RORB: variants seen among roughly 807,000 people sequenced by gnomAD.
RORB encodes the protein nuclear receptor ROR-beta.
In RORB, 6 loss-of-function variants were observed where a neutral mutation model predicts 59.1. The observed-to-expected ratio is 0.10, with a 90% CI of 0.06 to 0.20. The LOEUF (loss-of-function observed/expected upper bound fraction) is 0.20, where lower values mean the gene tolerates loss of function less well. Among genes scored for constraint, RORB ranks in the 10% least tolerant of loss-of-function variants. The pLI is 1.00. For missense variants in RORB, 320 were observed against 560.5 expected (o/e 0.57, Z 4.33); for synonymous variants, 215 against 204.5 (o/e 1.05, Z -0.44).
rs1482159977 is a variant in RORB, at chr9:74,687,533, G to A, written c.*1915G>A. 1.3e-5 allele frequency: 2 copies of A among 151,848 alleles called. No individual in the cohort carries two copies. Among genetic ancestry groups the A allele is most frequent in the Non-Finnish European group, 2.9e-5 (2 of 67,932 alleles). 9.4% of individuals were successfully genotyped at this position (151,848 alleles called of 1,614,324 possible). A position where few individuals can be genotyped will look rare whatever the true frequency, so the allele number is the denominator to read the frequency against. The stretch of plus-strand genomic sequence containing the variant: ...GATTGATGAATTCTAAACCAATGGG[G>A]AAAAACAAAAAGGCTTTAAAATAAT... On this transcript the variant is annotated 3_prime_UTR_variant, in exon 10 of 10. Transcript: ENST00000376896.
chr9:74,684,699 T>C lies in RORB; in HGVS notation c.1225-764T>C, dbSNP rs150028459. On this transcript the variant is annotated intron_variant, in intron 9 of 9. Coordinates refer to ENST00000376896, the MANE Select transcript of RORB (RefSeq NM_006914.4). ...TAAGTGGATATCCTTCCACTCATTT[T>C]TAGAACACCTTCCTAAGGAAGCTAA... is the stretch of plus-strand genomic sequence containing the variant. Among the ~76,000 whole-genome samples the C allele has an allele frequency of 2.9e-3, 445 of 152,288 alleles. 1 individual carries two copies. The highest frequency in any genetic ancestry group is 0.01 in the African/African-American group (425 of 41,552).
chr9:74,625,047 A>G (rs1823486752), intron 1 of RORB, among the ~76,000 whole-genome samples: 1 of 151,970 alleles, frequency 6.6e-6, no homozygotes, highest in South Asian at 2.1e-4. Context: ...AAAAAGAAAG[A>G]GAGCAGAAAA....
chr9:74,625,556 G>C (rs1823497891), intron 1 of RORB, among the ~76,000 whole-genome samples: 1 of 152,220 alleles, frequency 6.6e-6, no homozygotes, highest in African/African-American at 2.4e-5. Flanking sequence ...TGAGGCTGCA[G>C]TGAGCTACAA....
chr9:74,539,822 A>G, intron 1 of RORB, among the ~76,000 whole-genome samples: 1 of 151,072 alleles, frequency 6.6e-6, no homozygotes, highest in Admixed American at 6.7e-5. Context: ...AGAAAACCTT[A>G]AGTTTCGTTG....
At chr9:74,613,627 C>G (rs539831141) in intron 1 of RORB, among the ~76,000 whole-genome samples, 16 of 152,174 alleles carry the variant, frequency 1.1e-4, no homozygotes, top group African/African-American at 3.9e-4. Flanking sequence ...TTTAAGCTCT[C>G]TGGGTTATTC....
chr9:74,634,790 T>A lies in RORB; in HGVS notation c.235+18T>A, dbSNP rs377739405. On this transcript the variant is annotated intron_variant, in intron 3 of 9. Coordinates refer to ENST00000376896, the MANE Select transcript of RORB (RefSeq NM_006914.4). ...AAGAGATGGTAAGACATTACCTTCC[T>A]GTTTCTTACTTAAGCCCTTTCAAAT... is the stretch of plus-strand genomic sequence containing the variant. 1.9e-6 allele frequency: 3 copies of A among 1,605,314 alleles called. No individual in the cohort carries two copies. In the African/African-American group the frequency reaches 4.0e-5, roughly 22 times the overall value.
chr9:74,527,372 G>A (rs1826170181), intron 1 of RORB, among the ~76,000 whole-genome samples: 1 of 151,956 alleles, frequency 6.6e-6, no homozygotes, highest in Admixed American at 6.6e-5. Context: ...CAAGCAGACA[G>A]AAAAGAGACC....
intron 9 of RORB, among the ~76,000 whole-genome samples, chr9:74,683,978 C>T (rs1436714649): frequency 6.6e-6 from 1 of 152,170 alleles, no homozygotes; most frequent in African/African-American, 2.4e-5. Flanking sequence ...AGTTTTGATT[C>T]TCAGTCTAAA....
chr9:74,516,220 A>G (rs773204652), intron 1 of RORB, among the ~76,000 whole-genome samples: 1 of 152,096 alleles, frequency 6.6e-6, no homozygotes, highest in South Asian at 2.1e-4. Flanking sequence ...ATTAGATAAC[A>G]TCATAACATG....
chr9:74,627,958 A>G (rs1823547776), intron 1 of RORB, among the ~76,000 whole-genome samples: 1 of 152,194 alleles, frequency 6.6e-6, no homozygotes, highest in Non-Finnish European at 1.5e-5. Context: ...GATGATGATG[A>G]TAATGAAGAC....
chr9:74,617,444 C>A (rs1277059653), intron 1 of RORB, among the ~76,000 whole-genome samples: 1 of 152,172 alleles, frequency 6.6e-6, no homozygotes, highest in Non-Finnish European at 1.5e-5. Context: ...GTTCATACAA[C>A]AACTTCACCA....
At chr9:74,638,244 T>G (rs1428452056) in intron 3 of RORB, among the ~76,000 whole-genome samples, 2 of 152,242 alleles carry the variant, frequency 1.3e-5, no homozygotes, top group East Asian at 3.8e-4. Context: ...GTCCATGTGC[T>G]ATGTTAATAG....
At chr9:74,566,393 ATT>A (rs1322042291) in intron 1 of RORB, among the ~76,000 whole-genome samples, 2 of 151,496 alleles carry the variant, frequency 1.3e-5, no homozygotes. Context: ...ATTTTCTATT[ATT>A]TTGTTAGTTG....
chr9:74,610,839 C>G (rs1823222503), intron 1 of RORB, among the ~76,000 whole-genome samples: 2 of 152,190 alleles, frequency 1.3e-5, no homozygotes, highest in Non-Finnish European at 2.9e-5. Context: ...GCTCAGCCCC[C>G]AGAGTCTCTG....
intron 4 of RORB, among the ~76,000 whole-genome samples, chr9:74,659,405 C>T (rs1824142673): frequency 6.6e-6 from 1 of 152,172 alleles, no homozygotes; most frequent in African/African-American, 2.4e-5. Context: ...TTATTTTCAA[C>T]TAGTGTTCAA....
intron 1 of RORB, among the ~76,000 whole-genome samples, chr9:74,524,856 G>C (rs1001130654): frequency 1.3e-5 from 2 of 151,536 alleles, no homozygotes; most frequent in Non-Finnish European, 2.9e-5. Context: ...AAAATTTTTT[G>C]AAAAATATGT....
chr9:74,606,131 A>G (rs183483804), intron 1 of RORB, among the ~76,000 whole-genome samples: 2 of 152,296 alleles, frequency 1.3e-5, no homozygotes, highest in East Asian at 3.9e-4. Flanking sequence ...AAATGAGATA[A>G]TGCATTTAAA....
chr9:74,560,582 A>G (rs1252392126), intron 1 of RORB, among the ~76,000 whole-genome samples: 1 of 152,082 alleles, frequency 6.6e-6, no homozygotes. Flanking sequence ...ATCTTTCCAA[A>G]GAGAGACCAA....
At chr9:74,588,194 G>C (rs1695751491) in intron 1 of RORB, among the ~76,000 whole-genome samples, 1 of 152,062 alleles carries the variant, frequency 6.6e-6, no homozygotes, top group Non-Finnish European at 1.5e-5. Flanking sequence ...CATGATAGTG[G>C]GGCAAGCGTA....
Sources: gnomAD v4.1 joint callset for allele counts (sites outside exome capture counted in the v4.1 genomes callset) on GRCh38, gnomAD v4.1.1 for gene constraint, MANE v1.5 for transcripts, NCBI Gene and HGNC (gene_info 2026-07-23, HGNC 2026-07-21) for gene names.